TEX14: variants seen among roughly 807,000 people sequenced by gnomAD.
TEX14 encodes the protein testis expressed 14, intercellular bridge forming factor.
In TEX14, 168 loss-of-function variants were observed where a neutral mutation model predicts 178.6. That is an observed-to-expected ratio of 0.94 (90% confidence interval 0.83 to 1.07). The LOEUF (loss-of-function observed/expected upper bound fraction) is 1.07. Ranked by LOEUF, TEX14 falls within the 50% of genes least tolerant of loss-of-function variation. TEX14 has a pLI of 0.00. For synonymous variants in TEX14, 626 were observed against 634.1 expected, an observed-to-expected ratio of 0.99 and a Z score of 0.19; for missense variants, 1,730 against 1,753.6, an observed-to-expected ratio of 0.99 and a Z score of 0.24.
intron 20 of TEX14, among the ~76,000 whole-genome samples, chr17:58,578,457 C>T (rs2044732021): frequency 6.6e-6 from 1 of 152,110 alleles, no homozygotes; most frequent in Non-Finnish European, 1.5e-5. Context: ...TAGCATGCTG[C>T]ATCCTGTACC....
chr17:58,685,906 A>C (rs2143595191), intron 1 of TEX14, among the ~76,000 whole-genome samples: 1 of 151,176 alleles, frequency 6.6e-6, no homozygotes. Flanking sequence ...GAGGCAGGAC[A>C]ATCGCCTGAA....
intron 26 of TEX14, among the ~76,000 whole-genome samples, chr17:58,566,037 T>G (rs1267544): frequency 0.78 from 119,045 of 152,082 alleles, 46,759 homozygotes; most frequent in East Asian, 1. Context: ...TAGCCCTTCA[T>G]GTGATTCTGA....
chr17:58,657,935 G>A (rs148165455), intron 1 of TEX14, among the ~76,000 whole-genome samples: 1,745 of 152,244 alleles, frequency 0.011, 14 homozygotes, highest in Middle Eastern at 0.041. Flanking sequence ...TAAGATCAGT[G>A]CTTGACATAT....
rs368611716 is a variant in TEX14 at position 58,565,761 on chromosome 17, C to T, written c.3950G>A (p.Gly1317Glu). 3.7e-6 allele frequency: 6 copies of T among 1,608,876 alleles called. No homozygotes were observed. In the African/African-American group the frequency reaches 8.0e-5, roughly 21 times the overall value. The change falls in exon 27 of 32, where the codon GGA becomes GAA. Residue 1317 changes from glycine to glutamate, a missense_variant. Gly to Glu is a moderately conservative substitution (Grantham distance 98, BLOSUM62 -2). Coordinates refer to ENST00000349033, the MANE Select transcript of TEX14 (RefSeq NM_031272.5). ...VLHENTASDGGGTANDQRHLE... is the reference protein window; with the variant it reads ...VLHENTASDGEGTANDQRHLE... ...AGTTCACTTACCATTTGCAGTGCCT[C>T]CTCCATCACTTGCTGTGTTCTCATG...
At chr17:58,580,621 C>T (rs2044790032) in intron 19 of TEX14, among the ~76,000 whole-genome samples, 1 of 152,068 alleles carries the variant, frequency 6.6e-6, no homozygotes, top group African/African-American at 2.4e-5. Flanking sequence ...GAAATTACAT[C>T]TTTGATGCAT....
intron 16 of TEX14, 52 bp from the exon 17 acceptor site, chr17:58,587,718 C>T: frequency 7.4e-7 from 1 of 1,347,618 alleles, no homozygotes; most frequent in Non-Finnish European, 1.1e-6. Flanking sequence ...GACACAAACA[C>T]ATCAGTTTGC....
chr17:58,643,902 A>G (rs964127587), intron 2 of TEX14, among the ~76,000 whole-genome samples: 7 of 150,500 alleles, frequency 4.7e-5, no homozygotes, highest in African/African-American at 1.7e-4. Flanking sequence ...AAAAAAAAAA[A>G]AAGAAGCCTA....
At chr17:58,642,810 T>G (rs995455405) in intron 2 of TEX14, among the ~76,000 whole-genome samples, 1 of 152,166 alleles carries the variant, frequency 6.6e-6, no homozygotes, top group Non-Finnish European at 1.5e-5. Flanking sequence ...TCTGAGCAGT[T>G]TCTCCAACTT....
rs2044616229 is a variant in TEX14, at chr17:58,574,194, T to C, written c.3376A>G (p.Lys1126Glu). The C allele has an allele frequency of 6.2e-7, 1 of 1,613,022 alleles. No individual in the cohort carries two copies. Among genetic ancestry groups the C allele is most frequent in the African/African-American group, 1.3e-5 (1 of 74,926 alleles). The change falls in exon 22 of 32, where the codon AAA becomes GAA. Residue 1126 changes from lysine (K) to glutamate (E), a missense_variant. Around this residue, in one of 2 missense-constraint regions of TEX14, gnomAD observed 941 missense variants for 1,072.4 expected, o/e 0.88. Transcript: ENST00000349033. ...SKESPKELKE[K>E]DISLTDIQDL... ...TCTCTTTGGTGATCATACATGTCTT[T>C]CTCTTTCAGTTCCTTTGGTGACTCC... is the stretch of plus-strand genomic sequence containing the variant.
intron 2 of TEX14, among the ~76,000 whole-genome samples, chr17:58,633,685 G>A (rs992195075): frequency 1.1e-4 from 16 of 151,906 alleles, no homozygotes; most frequent in African/African-American, 3.9e-4. Flanking sequence ...AAATTAGCCG[G>A]GGGCCGGGCG....
chr17:58,601,183 C>T (rs992669304), intron 13 of TEX14, among the ~76,000 whole-genome samples: 1 of 151,798 alleles, frequency 6.6e-6, no homozygotes, highest in African/African-American at 2.4e-5. Context: ...TTCAGGAGTT[C>T]AAGACCAGCC....
intron 1 of TEX14, among the ~76,000 whole-genome samples, chr17:58,678,556 T>C (rs908520874): frequency 8.5e-5 from 13 of 152,050 alleles, no homozygotes; most frequent in Admixed American, 7.2e-4. Flanking sequence ...ACCATCATTC[T>C]GAGCAAACTT....
intron 2 of TEX14, among the ~76,000 whole-genome samples, chr17:58,636,463 A>C (rs1221363593): frequency 6.6e-6 from 1 of 152,214 alleles, no homozygotes; most frequent in Non-Finnish European, 1.5e-5. Flanking sequence ...AATGTGTGCC[A>C]GGCACTATTC....
chr17:58,603,887 CTGTGTG>C (rs71143257), intron 11 of TEX14, among the ~76,000 whole-genome samples: 6,376 of 105,130 alleles, frequency 0.061, 241 homozygotes, highest in African/African-American at 0.068. Flanking sequence ...TGTGATTTTA[CTGTGTG>C]TGTGTGTGTG....
At chr17:58,610,514 G>A (rs754509358) in intron 10 of TEX14, among the ~76,000 whole-genome samples, 18 of 152,218 alleles carry the variant, frequency 1.2e-4, no homozygotes, top group Non-Finnish European at 2.4e-4. Context: ...ACAGATTGGA[G>A]TGACAGGGAA....
intron 2 of TEX14, among the ~76,000 whole-genome samples, chr17:58,642,643 T>C (rs2046601723): frequency 6.6e-6 from 1 of 152,082 alleles, no homozygotes; most frequent in Non-Finnish European, 1.5e-5. Context: ...TTCTCCTGCC[T>C]CAGCCTCCCA....
intron 11 of TEX14, among the ~76,000 whole-genome samples, chr17:58,604,032 C>T (rs1394733052): frequency 3.3e-5 from 5 of 151,332 alleles, no homozygotes; most frequent in Non-Finnish European, 7.4e-5. Flanking sequence ...ACATCCATTT[C>T]TTTCAAGTGA....
Position 58,646,140 on chromosome 17 carries a change from T to A in TEX14, c.136+5726A>T, listed in dbSNP as rs539441715. ...GCAGTGTCAACTGTATTGAAATAAC[T>A]AGAGCAACCACTGAAAAAACAATGT... On this transcript the variant is annotated intron_variant, in intron 2 of 31. Coordinates refer to ENST00000349033, the MANE Select transcript of TEX14 (RefSeq NM_031272.5). 2.0e-5 allele frequency among the ~76,000 whole-genome samples: 3 copies of A among 152,286 alleles called. No homozygotes were observed. The South Asian group carries it at 6.2e-4, about 32-fold the overall frequency.
intron 13 of TEX14, 134 bp from the exon 14 acceptor site, chr17:58,599,800 T>C: frequency 5.8e-6 from 4 of 695,432 alleles, no homozygotes; most frequent in South Asian, 2.0e-5. Context: ...CCCTTCCCAG[T>C]TGTGGAAGAC....
Sources: allele counts gnomAD v4.1 joint callset (sites outside exome capture counted in the v4.1 genomes callset), GRCh38; gene constraint gnomAD v4.1.1; regional missense constraint gnomAD v4.1.1; transcripts MANE v1.5; gene names NCBI Gene and HGNC (gene_info 2026-07-23, HGNC 2026-07-21).